RGPD3: variants seen among roughly 807,000 people sequenced by gnomAD.
RGPD3 encodes ranBP2-like and GRIP domain-containing protein 3.
Under a neutral mutation model 154.5 loss-of-function variants are expected in RGPD3, and 62 were observed. The ratio of observed to expected loss-of-function variants is 0.40; its 90% CI spans 0.33 to 0.50. RGPD3 has a LOEUF of 0.50. Ranked by LOEUF, RGPD3 falls within the 20% of genes least tolerant of loss-of-function variation. The pLI is 0.59. For synonymous variants in RGPD3, 308 were observed against 607.0 expected (o/e 0.51, Z 7.24); for missense variants, 919 against 1,716.8 (o/e 0.54, Z 8.21).
chr2:106,410,833 G>A (rs1180837785), intron 22 of RGPD3, among the ~76,000 whole-genome samples: 1 of 151,936 alleles, frequency 6.6e-6, no homozygotes, highest in African/African-American at 2.4e-5. Flanking sequence ...TATACATGAT[G>A]TATTCTTATT....
At chr2:106,407,355 T>A (rs1295136940) in intron 22 of RGPD3, among the ~76,000 whole-genome samples, 2 of 152,144 alleles carry the variant, frequency 1.3e-5, no homozygotes, top group East Asian at 3.9e-4. Context: ...GGGAAGAGAT[T>A]ATACAAAGGC....
chr2:106,420,285 C>A (rs1676939614), intron 20 of RGPD3, among the ~76,000 whole-genome samples: 1 of 147,758 alleles, frequency 6.8e-6, no homozygotes, highest in Admixed American at 7.0e-5. Flanking sequence ...AAATCTAAGA[C>A]CATTCATATG....
rs757586492 is a variant in RGPD3 at position 106,468,216 on chromosome 2, C to G, written c.72+1G>C. 74 of 1,604,784 alleles carry G rather than the reference C, an allele frequency of 4.6e-5. No homozygotes were observed. The highest frequency in any genetic ancestry group is 3.4e-5 in the Admixed American group (2 of 59,178). ...CGTCGGTCTCTTCCAGACCCACTCACCTTTCGAGGCGACGGGGCGGAGCCC... is the reference window on the plus strand; with the variant it reads ...CGTCGGTCTCTTCCAGACCCACTCAGCTTTCGAGGCGACGGGGCGGAGCCC... On this transcript the variant is annotated splice_donor_variant, in intron 1 of 22. Transcript: ENST00000409886. LOFTEE classifies it high-confidence loss of function.
Position 106,424,952 on chromosome 2 carries a change from T to A in RGPD3, c.3015A>T (p.Ser1005=), listed in dbSNP as rs1677148615. 1.9e-6 allele frequency: 3 copies of A among 1,611,950 alleles called. No homozygotes were observed. Among genetic ancestry groups the A allele is most frequent in the Non-Finnish European group, 2.5e-6 (3 of 1,179,838 alleles). ...GFSGAGEKLF[S]SQYGKMANKA... ...TATTGGCCATTTTACCGTATTGTGATGAGAATAATTTTTCTCCAGCACCTG... is the reference window on the plus strand; with the variant it reads ...TATTGGCCATTTTACCGTATTGTGAAGAGAATAATTTTTCTCCAGCACCTG... Residue 1005 remains serine (S), a synonymous_variant, in exon 20 of 23, where the codon TCA becomes TCT. Transcript: ENST00000409886.
At chr2:106,462,219 AC>A (rs546325059) in intron 1 of RGPD3, among the ~76,000 whole-genome samples, 335 of 151,976 alleles carry the variant, frequency 2.2e-3, no homozygotes, top group Non-Finnish European at 3.6e-3. Flanking sequence ...GATTCAAGGT[AC>A]AATGCCAAAA....
rs1314641611 is a variant in RGPD3 at position 106,426,131 on chromosome 2, A to G, written c.2606-43T>C. On this transcript the variant is annotated intron_variant, in intron 18 of 22. Coordinates refer to ENST00000409886, the MANE Select transcript of RGPD3 (RefSeq NM_001144013.2). ...AAGAAAGAAAACACTGTTAAAGTCT[A>G]TACTACAGTTAAGACTATCTAGGCA... 3.8e-6 allele frequency: 6 copies of G among 1,589,324 alleles called. No homozygotes were observed. In the South Asian group the frequency reaches 5.6e-5, roughly 15 times the overall value.
At chr2:106,464,783 G>C (rs1240117192) in intron 1 of RGPD3, among the ~76,000 whole-genome samples, 1 of 152,140 alleles carries the variant, frequency 6.6e-6, no homozygotes, top group Non-Finnish European at 1.5e-5. Flanking sequence ...GAGTGCAGTG[G>C]TGCAATCTCT....
intron 7 of RGPD3, among the ~76,000 whole-genome samples, chr2:106,444,752 C>A (rs113682752): frequency 1.0e-4 from 15 of 150,602 alleles, no homozygotes; most frequent in African/African-American, 3.2e-4. Context: ...TCACTTGAGC[C>A]CAGGAGTTCG....
upstream of RGPD3, among the ~76,000 whole-genome samples, chr2:106,470,557 A>G (rs1423578433): frequency 6.6e-6 from 1 of 151,668 alleles, no homozygotes; most frequent in Non-Finnish European, 1.5e-5. Context: ...CAGTACATCA[A>G]CTCCACACAA....
In RGPD3 at chr2:106,411,642, C is replaced by T. The variant is rs540453416; in HGVS notation, c.5266+1442G>A. 3.6e-3 allele frequency among the ~76,000 whole-genome samples: 531 copies of T among 148,686 alleles called. 9 individuals carry two copies. In the South Asian group the frequency reaches 0.036, roughly 10 times the overall value. On this transcript the variant is annotated intron_variant, in intron 22 of 22. Transcript: ENST00000409886. ...AGGAGATTGAGACCATCCTGGCCAA[C>T]ATGGTGAAACCTCGTCTCTACTAAA... is the stretch of plus-strand genomic sequence containing the variant.
intron 1 of RGPD3, among the ~76,000 whole-genome samples, chr2:106,462,052 T>A (rs1321227025): frequency 6.6e-6 from 1 of 151,914 alleles, no homozygotes; most frequent in Non-Finnish European, 1.5e-5. Flanking sequence ...CCCAGCTAAT[T>A]TTTGTATTTT....
chr2:106,425,424 C>T (rs2104461005), intron 19 of RGPD3, among the ~76,000 whole-genome samples, 158 bp from the exon 20 acceptor site: 1 of 150,512 alleles, frequency 6.6e-6, no homozygotes, highest in South Asian at 2.1e-4. Flanking sequence ...AATGTGCCAG[C>T]TGGGCACTGT....
intron 1 of RGPD3, among the ~76,000 whole-genome samples, chr2:106,465,560 CTT>C (rs761873994): frequency 2.2e-5 from 3 of 136,746 alleles, no homozygotes; most frequent in Admixed American, 7.3e-5. Context: ...TCTAAGCTTG[CTT>C]TTTTTTTTTT....
At chr2:106,459,602 GA>G (rs1461915776) in intron 1 of RGPD3, among the ~76,000 whole-genome samples, 1 of 149,400 alleles carries the variant, frequency 6.7e-6, no homozygotes, top group Admixed American at 6.8e-5. Flanking sequence ...TCAGGAGTTT[GA>G]GACCAGCCTG....
intron 6 of RGPD3, among the ~76,000 whole-genome samples, chr2:106,450,900 G>T (rs1573291519): frequency 3.5e-5 from 3 of 85,262 alleles, no homozygotes; most frequent in East Asian, 1.3e-3. Context: ...AAGAGAGATT[G>T]AGACCATCCT....
intron 20 of RGPD3, among the ~76,000 whole-genome samples, chr2:106,418,810 C>T (rs1676892218): frequency 6.7e-6 from 1 of 150,174 alleles, no homozygotes; most frequent in Non-Finnish European, 1.5e-5. Flanking sequence ...TCATGTGATC[C>T]ACCCGCCTTG....
At chr2:106,463,107 T>A (rs1396218716) in intron 1 of RGPD3, among the ~76,000 whole-genome samples, 1 of 151,906 alleles carries the variant, frequency 6.6e-6, no homozygotes, top group Admixed American at 6.6e-5. Flanking sequence ...TCAGAAAACC[T>A]TTGTTACCAA....
chr2:106,424,045 T>C lies in RGPD3; in HGVS notation c.3922A>G (p.Lys1308Glu), dbSNP rs1677096981. 2 of 1,611,666 alleles carry C rather than the reference T, an allele frequency of 1.2e-6. No homozygotes were observed. The highest frequency in any genetic ancestry group is 2.2e-5 in the East Asian group (1 of 44,778). ...SALSLSKSPA[K>E]LNQSGTSVGT... ...ACTGAAGTCCCACTCTGATTCAACTTGGCAGGAGACTTAGATAGACTCAAA... is the reference window on the plus strand; with the variant it reads ...ACTGAAGTCCCACTCTGATTCAACTCGGCAGGAGACTTAGATAGACTCAAA... Residue 1308 changes from lysine to glutamate, a missense_variant, in exon 20 of 23, where the codon AAG (lysine) becomes GAG (glutamate). By Grantham distance (56) the Lys-to-Glu change is moderately conservative (BLOSUM62 1). Transcript: ENST00000409886.
At chr2:106,446,046 C>A (rs1210410901) in intron 7 of RGPD3, among the ~76,000 whole-genome samples, 8 of 57,928 alleles carry the variant, frequency 1.4e-4, no homozygotes, top group African/African-American at 5.4e-4. Context: ...CCAGATGGCG[C>A]CATTGCACTC....
Sources: allele counts gnomAD v4.1 joint callset (sites outside exome capture counted in the v4.1 genomes callset), GRCh38; gene constraint gnomAD v4.1.1; transcripts MANE v1.5; gene names NCBI Gene and HGNC (gene_info 2026-07-23, HGNC 2026-07-21).